Variants in PRELID2 observed in about 807,000 individuals in gnomAD.
The protein encoded by PRELID2 is PRELI domain containing 2, also known as PRELI domain-containing protein 2.
A neutral mutation model predicts 28.4 loss-of-function variants in PRELID2; 25 were observed. The observed-to-expected ratio is 0.88, with a 90% confidence interval of 0.64 to 1.23. The LOEUF is 1.23. Among genes scored for constraint, PRELID2 ranks in the 50% most tolerant of loss-of-function variants. The pLI, the probability that PRELID2 is intolerant of heterozygous loss-of-function variation, is 0.00. For missense variants in PRELID2, 201 were observed against 214.4 expected, an observed-to-expected ratio of 0.94 and a Z score of 0.39; for synonymous variants, 76 against 71.6, an observed-to-expected ratio of 1.06 and a Z score of -0.31.
intron 1 of PRELID2, among the ~76,000 whole-genome samples, chr5:145,586,233 A>C (rs1268543360): frequency 2.0e-5 from 3 of 152,020 alleles, no homozygotes; most frequent in Non-Finnish European, 4.4e-5. Context: ...TTATTGCTGT[A>C]CTTTGCATTT....
chr5:145,421,683 A>G, the PRELID2 span, among the ~76,000 whole-genome samples: 1 of 143,256 alleles, frequency 7.0e-6, no homozygotes, highest in African/African-American at 2.6e-5. Context: ...TCAAAAAACC[A>G]GCTCCTGGAT....
At chr5:145,817,101 G>T (rs1439211347) in intron 4 of PRELID2, among the ~76,000 whole-genome samples, 5 of 150,048 alleles carry the variant, frequency 3.3e-5, no homozygotes, top group African/African-American at 1.2e-4. Flanking sequence ...TGAGGTGGGA[G>T]GATCACTTGA....
At chr5:145,630,732 C>G (rs1753921439) in intron 1 of PRELID2, among the ~76,000 whole-genome samples, 1 of 152,160 alleles carries the variant, frequency 6.6e-6, no homozygotes, top group South Asian at 2.1e-4. Context: ...GGTGGCATAC[C>G]ATTGGCTGCC....
chr5:145,446,206 T>C, the PRELID2 span, among the ~76,000 whole-genome samples: 1 of 152,174 alleles, frequency 6.6e-6, no homozygotes, highest in African/African-American at 2.4e-5. Flanking sequence ...TATCACTATA[T>C]ATAATATGTA....
chr5:145,358,099 G>A, the PRELID2 span, among the ~76,000 whole-genome samples: 1 of 152,008 alleles, frequency 6.6e-6, no homozygotes, highest in Non-Finnish European at 1.5e-5. Context: ...CTTCAGGCAA[G>A]GGCTGCAGTT....
At chr5:145,321,123 A>G in the PRELID2 span, among the ~76,000 whole-genome samples, 3 of 152,208 alleles carry the variant, frequency 2.0e-5, no homozygotes, top group Non-Finnish European at 2.9e-5. Flanking sequence ...CCATACCATT[A>G]TTATCTCCCT....
intron 1 of PRELID2, among the ~76,000 whole-genome samples, chr5:145,662,561 G>A (rs535725661): frequency 1.3e-5 from 2 of 152,232 alleles, no homozygotes; most frequent in South Asian, 2.1e-4. Flanking sequence ...TTGAGAGGTA[G>A]GGCTGTGAAG....
At position 145,672,501 on chromosome 5, in the gene PRELID2, G is replaced by GAAA. The variant is rs752045360; in HGVS notation, n.70+92427_70+92429dup. On this transcript the variant is annotated intron_variant and non_coding_transcript_variant, in intron 1 of 2. Coordinates refer to the PRELID2 transcript ENST00000510259. ...GCTCAGAATTCCCCACGGAGCTTGTGAAAAAAAAAAAAAAACAGCCACTTC... is the reference window on the plus strand; with the variant it reads ...GCTCAGAATTCCCCACGGAGCTTGTGAAAAAAAAAAAAAAAAAACAGCCACTTC... Among the ~76,000 whole-genome samples the GAAA allele has an allele frequency of 9.6e-3, 952 of 99,122 alleles. 11 individuals carry two copies. The highest frequency in any genetic ancestry group is 0.027 in the African/African-American group (875 of 33,014). 65.0% of individuals were successfully genotyped at this position (99,122 alleles called of 152,430 possible). A position where few individuals can be genotyped will look rare whatever the true frequency, so the allele number is the denominator to read the frequency against.
At chr5:145,795,849 A>G (rs1752708979) in intron 5 of PRELID2, 1 of 152,190 alleles carries the variant, frequency 6.6e-6, no homozygotes, top group Non-Finnish European at 1.5e-5. Flanking sequence ...ACAGATTAAA[A>G]TGGAAAAGCT....
At chr5:145,279,840 A>G in the PRELID2 span, among the ~76,000 whole-genome samples, 1 of 150,904 alleles carries the variant, frequency 6.6e-6, no homozygotes, top group Non-Finnish European at 1.5e-5. Flanking sequence ...GAAAAAAAAA[A>G]AACTTCACTA....
In PRELID2 at chr5:145,551,400, C is replaced by CTAAATAAATAAA. The variant is rs10574544; in HGVS notation, n.71-78097_71-78086dup. ...TGGGTGACAAAGCAAGACTCAGTCT[C>CTAAATAAATAAA]TAAATAAATAAATAAATAAATAAAT... On this transcript the variant is annotated intron_variant and non_coding_transcript_variant, in intron 1 of 2. Transcript: ENST00000510259. Among the ~76,000 whole-genome samples the CTAAATAAATAAA allele has an allele frequency of 7.1e-4, 105 of 148,026 alleles. 1 individual carries two copies. The highest frequency in any genetic ancestry group is 2.4e-3 in the African/African-American group (94 of 39,098).
chr5:145,415,954 C>G, the PRELID2 span, among the ~76,000 whole-genome samples: 2 of 152,012 alleles, frequency 1.3e-5, no homozygotes, highest in African/African-American at 4.8e-5. Context: ...TGTTTCCTGA[C>G]TTTTTAATGA....
chr5:145,728,472 A>C (rs1756240367), intron 1 of PRELID2: 5 of 656,388 alleles, frequency 7.6e-6, no homozygotes, highest in Non-Finnish European at 1.4e-5. Flanking sequence ...TGAAGGGAAC[A>C]GGAAGTGTTC....
the PRELID2 span, chr5:145,381,458 C>A: frequency 4.8e-4 from 73 of 152,136 alleles, 1 homozygote; most frequent in Admixed American, 1.1e-3. Flanking sequence ...TTTTCACCAA[C>A]CTAAAACAAA....
At chr5:145,674,696 A>C (rs1204488068) in intron 1 of PRELID2, among the ~76,000 whole-genome samples, 2 of 152,118 alleles carry the variant, frequency 1.3e-5, no homozygotes, top group African/African-American at 2.4e-5. Context: ...GTAATCCCAT[A>C]ACTTTGGGAG....
At chr5:145,522,809 G>A (rs963539857) in intron 1 of PRELID2, among the ~76,000 whole-genome samples, 3 of 151,366 alleles carry the variant, frequency 2.0e-5, no homozygotes, top group African/African-American at 4.9e-5. Context: ...GAGGATGAGA[G>A]GGGGAGGAGG....
At chr5:145,242,909 G>A in the PRELID2 span, among the ~76,000 whole-genome samples, 13,440 of 151,950 alleles carry the variant, frequency 0.088, 1,283 homozygotes, top group African/African-American at 0.24. Context: ...GTTCTTGAGA[G>A]ACAGCTATAT....
intron 4 of PRELID2, among the ~76,000 whole-genome samples, chr5:145,797,197 A>AG (rs1752820291): frequency 6.6e-6 from 1 of 152,184 alleles, no homozygotes; most frequent in Non-Finnish European, 1.5e-5. Flanking sequence ...AGATGGCTGA[A>AG]TAGGAAGTCC....
the PRELID2 span, among the ~76,000 whole-genome samples, chr5:145,315,411 C>T: frequency 6.6e-6 from 1 of 152,136 alleles, no homozygotes; most frequent in Non-Finnish European, 1.5e-5. Flanking sequence ...ATGGACATAT[C>T]TAATCAGAAA....
Sources: gnomAD v4.1 joint callset for allele counts (sites outside exome capture counted in the v4.1 genomes callset) on GRCh38, gnomAD v4.1.1 for gene constraint, MANE v1.5 for transcripts, NCBI Gene and HGNC (gene_info 2026-07-23, HGNC 2026-07-21) for gene names.